TCOF1: variants seen among roughly 807,000 people sequenced by gnomAD.
TCOF1 encodes treacle protein.
A neutral mutation model predicts 149.0 loss-of-function variants in TCOF1; 33 were observed. That is an observed-to-expected ratio of 0.22 (90% confidence interval 0.17 to 0.30). The LOEUF is 0.30. Ranked by LOEUF, TCOF1 falls within the 10% of genes least tolerant of loss-of-function variation. The pLI is 1.00. For missense variants in TCOF1, 1,728 were observed against 1,840.7 expected, an observed-to-expected ratio of 0.94 and a Z score of 1.12; for synonymous variants, 789 against 738.8, an observed-to-expected ratio of 1.07 and a Z score of -1.10.
Position 150,368,818 on chromosome 5 carries a change from G to T in TCOF1, c.481G>T (p.Ala161Ser), listed in dbSNP as rs370631849. 7 of 1,614,092 alleles carry T rather than the reference G, an allele frequency of 4.3e-6. No homozygotes were observed. In the East Asian group the frequency reaches 6.7e-5, roughly 15 times the overall value. ...TTCTGGGAAGTCTCCCAGGAAGTCA[G>T]CAGAGCCCTCAGCAAATACTACGTT... The part of the protein sequence containing the change: ...LLSGKSPRKS[A>S]EPSANTTLVS... Residue 161 changes from alanine to serine, a missense_variant, in exon 5 of 27, where the codon GCA becomes TCA. Physicochemically the swap from Ala to Ser is moderately conservative, Grantham distance 99. Around this residue, in one of 2 missense-constraint regions of TCOF1, gnomAD observed 1,696 missense variants for 1,765.4 expected, o/e 0.96. Coordinates refer to ENST00000643257, the MANE Select transcript of TCOF1 (RefSeq NM_001371623.1).
intron 5 of TCOF1, 58 bp downstream of exon 5, chr5:150,368,960 C>G (rs1761953430): frequency 1.3e-6 from 2 of 1,597,176 alleles, no homozygotes; most frequent in South Asian, 2.2e-5. Context: ...GTGAGGCAGG[C>G]CTAGGCATTG....
At chr5:150,389,337 G>GT (rs1030703034) in intron 18 of TCOF1, among the ~76,000 whole-genome samples, 3 of 152,202 alleles carry the variant, frequency 2.0e-5, no homozygotes, top group Admixed American at 2.0e-4. Flanking sequence ...ATGACATCGG[G>GT]TTTTTTTCAT....
At chr5:150,390,457 A>T (rs917985461) in intron 19 of TCOF1, among the ~76,000 whole-genome samples, 1 of 152,144 alleles carries the variant, frequency 6.6e-6, no homozygotes. Flanking sequence ...TTTAGGGTTA[A>T]TGGCTGGTGC....
At chr5:150,370,560 TG>T (rs1762299668) in intron 6 of TCOF1, among the ~76,000 whole-genome samples, 1 of 152,010 alleles carries the variant, frequency 6.6e-6, no homozygotes, top group East Asian at 1.9e-4. Context: ...TTCACCATGT[TG>T]GCCAGGCTAG....
At position 150,397,411 on chromosome 5, in the gene TCOF1, T is replaced by C. The variant is rs934330400; in HGVS notation, c.4345+569T>C. Among the ~76,000 whole-genome samples the C allele has an allele frequency of 2.0e-5, 3 of 152,114 alleles. No individual in the cohort carries two copies. In the East Asian group the frequency reaches 5.8e-4, roughly 29 times the overall value. On this transcript the variant is annotated intron_variant, in intron 24 of 26. Transcript: ENST00000643257. ...AATCCTCATCCCAAACCCCATCTTGTCTCTAGACCTCAGTTTTCCCTCCAT... is the reference window on the plus strand; with the variant it reads ...AATCCTCATCCCAAACCCCATCTTGCCTCTAGACCTCAGTTTTCCCTCCAT...
intron 23 of TCOF1, chr5:150,395,002 C>G (rs1291285643): frequency 6.6e-6 from 1 of 151,930 alleles, no homozygotes; most frequent in Non-Finnish European, 1.5e-5. Flanking sequence ...CCCTCCCCAG[C>G]TTCCCTCTCC....
chr5:150,374,623 G>A lies in TCOF1; in HGVS notation c.1090G>A (p.Ala364Thr). The change falls in exon 9 of 27, where the codon GCC becomes ACC. Residue 364 changes from alanine (A) to threonine (T), a missense_variant. This residue lies in a region of TCOF1 where 1,696 missense variants were observed against 1,765.4 expected (regional missense o/e 0.96). Coordinates refer to ENST00000643257, the MANE Select transcript of TCOF1 (RefSeq NM_001371623.1). ...CCTTGTCTTGTTTCTCCAGGCGAAG[G>A]CCTCAGGAAAAACCTCTCAGGTCGG... Reference protein sequence around the residue: ...PAAKALLQAKASGKTSQVGAA... With the variant: ...PAAKALLQAKTSGKTSQVGAA... 6.2e-7 allele frequency: 1 copy of A among 1,612,128 alleles called. No homozygotes were observed. Among genetic ancestry groups the A allele is most frequent in the Non-Finnish European group, 8.5e-7 (1 of 1,179,676 alleles).
rs1379293623 is a variant in TCOF1 at position 150,400,165 on chromosome 5, C to G, written c.*378C>G. 1 of 152,202 alleles carries G rather than the reference C, an allele frequency of 6.6e-6. No individual in the cohort carries two copies. Among genetic ancestry groups the G allele is most frequent in the Non-Finnish European group, 1.5e-5 (1 of 68,040 alleles). 9.4% of individuals were successfully genotyped at this position (152,202 alleles called of 1,614,324 possible). ...AGATCCAGCTAGGCCTGACCTGTGC[C>G]TCATCCCGTGCCGCTCGGTCTCTGG... On this transcript the variant is annotated 3_prime_UTR_variant, in exon 27 of 27. Transcript: ENST00000643257.
chr5:150,382,374 C>G (rs1357622945), intron 17 of TCOF1, among the ~76,000 whole-genome samples: 1 of 152,174 alleles, frequency 6.6e-6, no homozygotes, highest in Non-Finnish European at 1.5e-5. Flanking sequence ...TAGGAGGCAG[C>G]CTGCAGTGTG....
chr5:150,384,563 G>A lies in TCOF1; in HGVS notation c.2860-3339G>A, dbSNP rs193172581. The A allele has an allele frequency of 7.7e-5, 76 of 985,490 alleles. No individual in the cohort carries two copies. The East Asian group carries it at 6.2e-3, about 81-fold the overall frequency. The allele number at this position is 985,490 out of a possible 1,614,324, so 61.0% of individuals were successfully genotyped here. On this transcript the variant is annotated intron_variant, in intron 17 of 26. Transcript: ENST00000643257. ...CTCTCTGAGGGATCTAAACAACTGG[G>A]AGGGAGGGGACCGCTCCCCCTTTCT...
chr5:150,387,782 C>T, intron 17 of TCOF1, 120 bp from the exon 18 acceptor site: 1 of 1,395,896 alleles, frequency 7.2e-7, no homozygotes, highest in Non-Finnish European at 9.9e-7. Context: ...GGCTTCTGTG[C>T]CCAGCTGCCC....
chr5:150,400,136 C>G lies in TCOF1; in HGVS notation c.*349C>G, dbSNP rs963647764. On this transcript the variant is annotated 3_prime_UTR_variant, in exon 27 of 27. Coordinates refer to ENST00000643257, the MANE Select transcript of TCOF1 (RefSeq NM_001371623.1). ...CCTCGGGACTTCCCACCACCTTGCT[C>G]CACAGATCCAGCTAGGCCTGACCTG... 3 of 152,452 alleles carry G rather than the reference C, an allele frequency of 2.0e-5. No homozygotes were observed. Among genetic ancestry groups the G allele is most frequent in the Non-Finnish European group, 4.4e-5 (3 of 68,224 alleles). The allele number at this position is 152,452 out of a possible 1,614,324, so 9.4% of individuals were successfully genotyped here.
chr5:150,374,118 C>G, intron 7 of TCOF1, 56 bp from the exon 8 acceptor site: 2 of 1,553,572 alleles, frequency 1.3e-6, no homozygotes, highest in South Asian at 2.3e-5. Context: ...ATCCTAAAGG[C>G]ATCACCAGAG....
At chr5:150,387,629 T>G (rs1364131020) in intron 17 of TCOF1, among the ~76,000 whole-genome samples, 1 of 152,154 alleles carries the variant, frequency 6.6e-6, no homozygotes. Context: ...GGCTTGTGGT[T>G]TTCCCACTTT....
At position 150,375,730 on chromosome 5, in the gene TCOF1, T is replaced by G; in HGVS notation, c.1714T>G (p.Leu572Val). 1.2e-6 allele frequency: 2 copies of G among 1,614,244 alleles called. No homozygotes were observed. The highest frequency in any genetic ancestry group is 1.7e-6 in the Non-Finnish European group (2 of 1,180,038). Residue 572 changes from leucine (L) to valine (V), a missense_variant, in exon 12 of 27, where the codon TTG becomes GTG. Physicochemically the swap from Leu to Val is conservative, Grantham distance 32. Around this residue, in one of 2 missense-constraint regions of TCOF1, gnomAD observed 1,696 missense variants for 1,765.4 expected, o/e 0.96. Transcript: ENST00000643257. The part of the protein sequence containing the change: ...TAVAPAQEKS[L>V]GNILQAKPTS... Reference sequence around the variant, plus strand: ...GTGTATCTCACTCCAGGAAAAGTCCTTGGGGAACATCCTCCAGGCCAAACC... The same window carrying G: ...GTGTATCTCACTCCAGGAAAAGTCCGTGGGGAACATCCTCCAGGCCAAACC...
In TCOF1 at chr5:150,379,551, C is replaced by T. The variant is rs201738208; in HGVS notation, c.2678C>T (p.Thr893Ile). ...TLAQVKPSGK[T>I]HQIRAALAPA... ...CTCCAGGTGAAGCCTTCAGGGAAGACCCACCAGATCAGAGCTGCCTTGGCT... is the reference window on the plus strand; with the variant it reads ...CTCCAGGTGAAGCCTTCAGGGAAGATCCACCAGATCAGAGCTGCCTTGGCT... Residue 893 changes from threonine (T) to isoleucine (I), a missense_variant, in exon 17 of 27, where the codon ACC becomes ATC. Around this residue, in one of 2 missense-constraint regions of TCOF1, gnomAD observed 1,696 missense variants for 1,765.4 expected, o/e 0.96. Coordinates refer to ENST00000643257, the MANE Select transcript of TCOF1 (RefSeq NM_001371623.1). 12 of 1,614,096 alleles carry T rather than the reference C, an allele frequency of 7.4e-6. No homozygotes were observed. Among genetic ancestry groups the T allele is most frequent in the Admixed American group, 6.7e-5 (4 of 60,014 alleles).
Position 150,367,933 on chromosome 5 carries a change from T to C in TCOF1, c.378+16T>C, listed in dbSNP as rs184898865. On this transcript the variant is annotated intron_variant, in intron 4 of 26. Coordinates refer to ENST00000643257, the MANE Select transcript of TCOF1 (RefSeq NM_001371623.1). ...AAAAGCCAAGGTGAGTGGGACTGCC[T>C]TCCAAGCTATTGCCTATGGGATTTA... 332 of 1,613,918 alleles carry C rather than the reference T, an allele frequency of 2.1e-4. 1 individual carries two copies. In the African/African-American group the frequency reaches 3.9e-3, roughly 19 times the overall value.
At chr5:150,386,591 G>C (rs756813892) in intron 17 of TCOF1, among the ~76,000 whole-genome samples, 4 of 151,024 alleles carry the variant, frequency 2.6e-5, no homozygotes, top group East Asian at 4.0e-4. Context: ...TCAGGCTCAG[G>C]GGGTAAACAG....
chr5:150,382,959 C>G (rs747703038), intron 17 of TCOF1: 12 of 939,912 alleles, frequency 1.3e-5, no homozygotes, highest in Non-Finnish European at 1.9e-5. Flanking sequence ...CGCTGCCTCC[C>G]CTGGAAACCA....
Sources: gnomAD v4.1 joint callset for allele counts (sites outside exome capture counted in the v4.1 genomes callset) on GRCh38, gnomAD v4.1.1 for gene constraint, gnomAD v4.1.1 regional missense constraint, MANE v1.5 for transcripts, NCBI Gene and HGNC (gene_info 2026-07-23, HGNC 2026-07-21) for gene names.